Variants in GON4L observed in about 807,000 individuals in gnomAD.
GON4L encodes the protein GON-4-like protein.
GON4L carries 87 observed loss-of-function variants against 211.8 expected under a neutral mutation model. The observed-to-expected ratio is 0.41, with a 90% CI of 0.35 to 0.49. GON4L has a LOEUF of 0.49. Among genes scored for constraint, GON4L ranks in the 20% least tolerant of loss-of-function variants. The pLI is 0.15. For missense variants in GON4L, 2,155 were observed against 2,659.5 expected (o/e 0.81, Z 4.17); for synonymous variants, 875 against 962.6 (o/e 0.91, Z 1.68).
chr1:155,746,933 C>T, downstream of GON4L: 1 of 1,601,372 alleles, frequency 6.2e-7, no homozygotes, highest in South Asian at 1.1e-5. Flanking sequence ...TCCATAGGGG[C>T]AGGTAAACGG....
Position 155,771,733 on chromosome 1 carries a change from C to A in GON4L, c.2496-516G>T, listed in dbSNP as rs181954831. 3.9e-4 allele frequency among the ~76,000 whole-genome samples: 60 copies of A among 152,308 alleles called. No homozygotes were observed. In the East Asian group the frequency reaches 0.01, roughly 26 times the overall value. ...CCTCAAGCGATCCTCCTGCCTCAGC[C>A]TCTCAAAGTGCTGGTATTACAGTTG... On this transcript the variant is annotated intron_variant, in intron 18 of 31. Transcript: ENST00000368331.
At chr1:155,758,281 G>T (rs952688001) in intron 24 of GON4L, among the ~76,000 whole-genome samples, 1 of 152,210 alleles carries the variant, frequency 6.6e-6, no homozygotes, top group Non-Finnish European at 1.5e-5. Flanking sequence ...TATATTTCAA[G>T]TTGTTTGCTG....
intron 12 of GON4L, among the ~76,000 whole-genome samples, chr1:155,786,099 A>AAC (rs79590473): frequency 2.7e-5 from 4 of 148,888 alleles, no homozygotes; most frequent in South Asian, 2.2e-4. Flanking sequence ...CTGTCTCAAA[A>AAC]AACAACAACA....
At chr1:155,853,164 C>T (rs762763493) in intron 2 of GON4L, 112 bp downstream of exon 2, 26 of 1,009,168 alleles carry the variant, frequency 2.6e-5, no homozygotes, top group Non-Finnish European at 3.3e-5. Flanking sequence ...GTTCCAATTC[C>T]GTACCAAATC....
rs1473380184 is a variant in GON4L at position 155,793,152 on chromosome 1, C to A, written c.1747+1898G>T. On this transcript the variant is annotated intron_variant, in intron 12 of 31. Transcript: ENST00000368331. ...CTTCCTAGATTCTCCTTTCAGTTTT[C>A]TCAAAGCCTAAATCCTCAAACCTTT... is the stretch of plus-strand genomic sequence containing the variant. Among the ~76,000 whole-genome samples the A allele has an allele frequency of 2.6e-5, 4 of 152,162 alleles. No individual in the cohort carries two copies. The East Asian group carries it at 7.7e-4, about 29-fold the overall frequency.
At chr1:155,807,130 C>A (rs541834141) in intron 10 of GON4L, among the ~76,000 whole-genome samples, 4 of 150,832 alleles carry the variant, frequency 2.7e-5, no homozygotes, top group South Asian at 4.2e-4. Flanking sequence ...CAGAGGCTCA[C>A]ATTTGTACAT....
At chr1:155,856,782 G>C (rs765509372) in intron 1 of GON4L, among the ~76,000 whole-genome samples, 18 of 150,322 alleles carry the variant, frequency 1.2e-4, no homozygotes, top group Non-Finnish European at 2.5e-4. Context: ...AAGAAAGAAA[G>C]AAAAAGAAGG....
intron 15 of GON4L, 100 bp from the exon 16 acceptor site, chr1:155,776,581 CTCT>C: frequency 1.1e-6 from 1 of 923,012 alleles, no homozygotes; most frequent in Non-Finnish European, 1.8e-6. Flanking sequence ...GAAAGGATCT[CTCT>C]CTGTCACTCA....
In GON4L at chr1:155,777,619, T is replaced by C. The variant is rs984527160; in HGVS notation, c.2091+3A>G. ...ATGTTAACATGACCAAGAAAAGTCC[T>C]ACCTGCTGCATCTGCTGCTGGAGTC... is the stretch of plus-strand genomic sequence containing the variant. On this transcript the variant is annotated splice_donor_region_variant and intron_variant, in intron 15 of 31. Coordinates refer to ENST00000368331, the MANE Select transcript of GON4L (RefSeq NM_001282860.2). The C allele has an allele frequency of 2.5e-6, 4 of 1,607,392 alleles. No individual in the cohort carries two copies. The highest frequency in any genetic ancestry group is 3.4e-6 in the Non-Finnish European group (4 of 1,173,936).
At chr1:155,788,939 A>G (rs1195449184) in intron 12 of GON4L, among the ~76,000 whole-genome samples, 1 of 151,980 alleles carries the variant, frequency 6.6e-6, no homozygotes, top group African/African-American at 2.4e-5. Context: ...AAATACAAAA[A>G]ATTAGCCGGG....
downstream of GON4L, chr1:155,745,946 C>G (rs1387413470): frequency 5.3e-6 from 4 of 754,268 alleles, no homozygotes; most frequent in Non-Finnish European, 8.4e-6. Context: ...CCGAGGAGCC[C>G]TTCGGGATCT....
intron 12 of GON4L, among the ~76,000 whole-genome samples, chr1:155,787,421 T>C (rs1167432679): frequency 6.6e-6 from 1 of 152,118 alleles, no homozygotes; most frequent in Non-Finnish European, 1.5e-5. Context: ...AGTCTAACAC[T>C]ATGTCTGGAG....
chr1:155,853,620 C>A lies in GON4L; in HGVS notation c.161G>T (p.Gly54Val), dbSNP rs773763581. The A allele has an allele frequency of 6.2e-7, 1 of 1,614,136 alleles. No individual in the cohort carries two copies. The highest frequency in any genetic ancestry group is 1.7e-5 in the Admixed American group (1 of 60,022). The change falls in exon 2 of 32, where the codon GGC becomes GTC. Residue 54 changes from glycine (G) to valine (V), a missense_variant. Transcript: ENST00000368331. The stretch of plus-strand genomic sequence containing the variant: ...CTGTACTTCGAAGCCAGCTACTCTG[C>A]CATGACTTGGATCCCAGGATAGTGA... Reference protein sequence around the residue: ...SVSLSWDPSHGRVAGFEVQSL... With the variant: ...SVSLSWDPSHVRVAGFEVQSL...
chr1:155,811,403 AAAAAAAAAAAAAAAG>A (rs1423543177), intron 10 of GON4L, among the ~76,000 whole-genome samples: 1 of 148,702 alleles, frequency 6.7e-6, no homozygotes, highest in Non-Finnish European at 1.5e-5. Flanking sequence ...AAAAAAAAAA[AAAAAAAAAAAAAAAG>A]AAAGAATAAT....
In GON4L at chr1:155,815,740, TTAC is replaced by T. The variant is rs1251793521; in HGVS notation, c.1161+62_1161+64del. On this transcript the variant is annotated intron_variant, in intron 8 of 31. Coordinates refer to ENST00000368331, the MANE Select transcript of GON4L (RefSeq NM_001282860.2). ...GTCTCAATCCTCTCTACAAGTGACA[TTAC>T]TAAGGAAGCAAAGTATACCCTGCTC... 4.0e-5 allele frequency: 37 copies of T among 924,416 alleles called. No individual in the cohort carries two copies. In the East Asian group the frequency reaches 8.9e-4, roughly 22 times the overall value. The allele number at this position is 924,416 out of a possible 1,614,324, so 57.3% of individuals were successfully genotyped here.
At position 155,821,592 on chromosome 1, in the gene GON4L, A is replaced by C. The variant is rs1224415486; in HGVS notation, c.889-44T>G. Reference sequence around the variant, plus strand: ...TCACTTTATGCAACAAGGGTTTGTCACCTAGACAATACTCATCTCTCCATG... The same window carrying C: ...TCACTTTATGCAACAAGGGTTTGTCCCCTAGACAATACTCATCTCTCCATG... On this transcript the variant is annotated intron_variant, in intron 4 of 31. Transcript: ENST00000368331. The C allele has an allele frequency of 3.6e-6, 4 of 1,121,424 alleles. No homozygotes were observed. In the Admixed American group the frequency reaches 5.1e-5, roughly 14 times the overall value. 69.5% of individuals were successfully genotyped at this position (1,121,424 alleles called of 1,614,324 possible).
chr1:155,838,657 C>G (rs1381858694), intron 2 of GON4L, among the ~76,000 whole-genome samples: 1 of 151,682 alleles, frequency 6.6e-6, no homozygotes, highest in African/African-American at 2.4e-5. Flanking sequence ...TGCATCCCAG[C>G]TACTTGGGAG....
At chr1:155,745,315 A>G (rs1660215727), downstream of GON4L, among the ~76,000 whole-genome samples, 1 of 152,248 alleles carries the variant, frequency 6.6e-6, no homozygotes, top group South Asian at 2.1e-4. Context: ...TGATACAGAT[A>G]TGATAGCTAG....
intron 18 of GON4L, among the ~76,000 whole-genome samples, chr1:155,772,000 TA>T (rs1234993185): frequency 6.6e-6 from 1 of 151,948 alleles, no homozygotes; most frequent in African/African-American, 2.4e-5. Flanking sequence ...TCGTCTCTAC[TA>T]AAAATACAAA....
Sources: allele counts gnomAD v4.1 joint callset (sites outside exome capture counted in the v4.1 genomes callset), GRCh38; gene constraint gnomAD v4.1.1; transcripts MANE v1.5; gene names NCBI Gene and HGNC (gene_info 2026-07-23, HGNC 2026-07-21).